Variants in ADARB2 observed in about 807,000 individuals in gnomAD.
ADARB2 encodes adenosine deaminase RNA specific B2 (inactive).
A neutral mutation model predicts 62.2 loss-of-function variants in ADARB2; 25 were observed. The observed-to-expected ratio is 0.40, with a 90% CI of 0.29 to 0.56. ADARB2 has a LOEUF of 0.56. Ranked by LOEUF, ADARB2 falls within the 20% of genes least tolerant of loss-of-function variation. The pLI is 0.43. For synonymous variants in ADARB2, 572 were observed against 500.8 expected, an observed-to-expected ratio of 1.14 and a Z score of -1.90; for missense variants, 1,071 against 1,077.4, an observed-to-expected ratio of 0.99 and a Z score of 0.08.
At chr10:1,570,087 A>G (rs1832914536) in intron 1 of ADARB2, among the ~76,000 whole-genome samples, 1 of 152,096 alleles carries the variant, frequency 6.6e-6, no homozygotes, top group South Asian at 2.1e-4. Flanking sequence ...TGTCTCATTC[A>G]CATACAAACG....
At chr10:1,527,482 C>T (rs529950362) in intron 1 of ADARB2, among the ~76,000 whole-genome samples, 1 of 152,262 alleles carries the variant, frequency 6.6e-6, no homozygotes, top group East Asian at 1.9e-4. Flanking sequence ...CAAGCAAACA[C>T]AATAATCCAC....
At position 1,363,057 on chromosome 10, in the gene ADARB2, C is replaced by T. The variant is rs771929457; in HGVS notation, c.1048G>A (p.Gly350Ser). 2.8e-6 allele frequency: 4 copies of T among 1,440,666 alleles called. No individual in the cohort carries two copies. Among genetic ancestry groups the T allele is most frequent in the South Asian group, 2.9e-5 (2 of 69,294 alleles). The allele number at this position is 1,440,666 out of a possible 1,614,324, so 89.2% of individuals were successfully genotyped here. Residue 350 changes from glycine to serine, a missense_variant, in exon 3 of 10, where the codon GGC becomes AGC. By Grantham distance (56) the Gly-to-Ser change is moderately conservative. Coordinates refer to ENST00000381312, the MANE Select transcript of ADARB2 (RefSeq NM_018702.4). ...GGCATTGGCGTCCTCCTGGCCCTGCCGGGCGCGTGGCCGGGCATCTGGATG... is the reference window on the plus strand; with the variant it reads ...GGCATTGGCGTCCTCCTGGCCCTGCTGGGCGCGTGGCCGGGCATCTGGATG... Reference protein sequence around the residue: ...FDIQMPGHAPGRARRTPMPQE... With the variant: ...FDIQMPGHAPSRARRTPMPQE...
In ADARB2 at chr10:1,327,575, T is replaced by G. The variant is rs374051054; in HGVS notation, c.1077+35453A>C. 3.0e-4 allele frequency among the ~76,000 whole-genome samples: 19 copies of G among 64,244 alleles called. 4 individuals carry two copies. The highest frequency in any genetic ancestry group is 1.5e-3 in the African/African-American group (16 of 10,654). 42.1% of individuals were successfully genotyped at this position (64,244 alleles called of 152,430 possible). A position where few individuals can be genotyped will look rare whatever the true frequency, so the allele number is the denominator to read the frequency against. On this transcript the variant is annotated intron_variant, in intron 3 of 9. Transcript: ENST00000381312. ...TCCTCACGGCCCAGCGCCTCCTCAC[T>G]GCACAGCGCCTCCTCACTGCACAGC... is the stretch of plus-strand genomic sequence containing the variant.
chr10:1,355,976 G>A (rs1356666516), intron 3 of ADARB2, among the ~76,000 whole-genome samples: 1 of 152,086 alleles, frequency 6.6e-6, no homozygotes, highest in African/African-American at 2.4e-5. Context: ...ATCATACATT[G>A]TATTTACATT....
At chr10:1,220,738 G>A (rs1830687630) in intron 6 of ADARB2, among the ~76,000 whole-genome samples, 1 of 152,106 alleles carries the variant, frequency 6.6e-6, no homozygotes. Flanking sequence ...CTTGAAAGTT[G>A]CCTATTATAT....
intron 4 of ADARB2, among the ~76,000 whole-genome samples, chr10:1,265,535 G>A (rs1006715626): frequency 2.0e-5 from 3 of 152,088 alleles, no homozygotes; most frequent in Non-Finnish European, 2.9e-5. Context: ...CCCAGAAGAC[G>A]CCCTGAGCGG....
chr10:1,681,312 A>G (rs1021915980), intron 1 of ADARB2, among the ~76,000 whole-genome samples: 1 of 152,180 alleles, frequency 6.6e-6, no homozygotes, highest in Admixed American at 6.5e-5. Context: ...TCCTCGAAGC[A>G]GTCTATTCTA....
intron 6 of ADARB2, among the ~76,000 whole-genome samples, chr10:1,233,493 C>G (rs980887862): frequency 2.6e-5 from 4 of 152,198 alleles, no homozygotes; most frequent in Non-Finnish European, 5.9e-5. Flanking sequence ...TCAGACTACT[C>G]TTCTGCCAAT....
intron 1 of ADARB2, among the ~76,000 whole-genome samples, chr10:1,420,184 T>G (rs1387821015): frequency 6.6e-6 from 1 of 152,190 alleles, no homozygotes; most frequent in Admixed American, 6.5e-5. Context: ...CAGGAAATAT[T>G]TAAAGTTCTA....
intron 1 of ADARB2, among the ~76,000 whole-genome samples, chr10:1,727,906 T>C (rs1399720582): frequency 6.6e-6 from 1 of 152,238 alleles, no homozygotes; most frequent in East Asian, 1.9e-4. Context: ...ATAAGACTCA[T>C]GCCCAATACA....
intron 1 of ADARB2, among the ~76,000 whole-genome samples, chr10:1,532,859 A>T (rs978007448): frequency 1.3e-5 from 2 of 152,202 alleles, no homozygotes; most frequent in Middle Eastern, 6.8e-3. Context: ...TTCTCCAGGA[A>T]CTTAAATCTT....
intron 1 of ADARB2, among the ~76,000 whole-genome samples, chr10:1,594,920 A>G (rs529977426): frequency 1.7e-3 from 254 of 152,266 alleles, no homozygotes; most frequent in Non-Finnish European, 3.3e-3. Flanking sequence ...CGCATCCAGC[A>G]CACAGCCGCT....
intron 2 of ADARB2, among the ~76,000 whole-genome samples, chr10:1,367,556 A>C (rs1374241736): frequency 6.6e-6 from 1 of 152,204 alleles, no homozygotes; most frequent in Non-Finnish European, 1.5e-5. Flanking sequence ...TACATATAGC[A>C]CTGCTCTACT....
At chr10:1,367,976 T>C (rs1191737780) in intron 2 of ADARB2, among the ~76,000 whole-genome samples, 1 of 152,206 alleles carries the variant, frequency 6.6e-6, no homozygotes, top group African/African-American at 2.4e-5. Context: ...AGAGCATACT[T>C]CAGGGGCCTG....
chr10:1,678,929 C>T (rs12764172), intron 1 of ADARB2, among the ~76,000 whole-genome samples: 16,793 of 152,214 alleles, frequency 0.11, 1,089 homozygotes, highest in Non-Finnish European at 0.15. Context: ...CAGGTGCCCA[C>T]GTGGCTAGAG....
In ADARB2 at chr10:1,229,641, A is replaced by T. The variant is rs540906186; in HGVS notation, c.1513+4053T>A. Among the ~76,000 whole-genome samples the T allele has an allele frequency of 1.7e-4, 4 of 23,412 alleles. 1 individual carries two copies. In the South Asian group the frequency reaches 3.4e-3, roughly 20 times the overall value. The allele number at this position is 23,412 out of a possible 152,430, so 15.4% of individuals were successfully genotyped here. Reference sequence around the variant, plus strand: ...TATTGATAGATCTGATGCATCAGATACGTGTCGTGTGCTTGTGTGTGCACA... The same window carrying T: ...TATTGATAGATCTGATGCATCAGATTCGTGTCGTGTGCTTGTGTGTGCACA... On this transcript the variant is annotated intron_variant, in intron 6 of 9. Transcript: ENST00000381312.
chr10:1,497,147 A>T (rs779449673), intron 1 of ADARB2, among the ~76,000 whole-genome samples: 7 of 152,156 alleles, frequency 4.6e-5, no homozygotes, highest in Non-Finnish European at 7.3e-5. Context: ...TAATAATAAC[A>T]CTTGACTAAG....
intron 1 of ADARB2, among the ~76,000 whole-genome samples, chr10:1,510,110 C>CTCTTTCTCTCTTTCTTTCTTTCTTTCTT (rs1554767638): frequency 2.0e-3 from 217 of 106,238 alleles, no homozygotes; most frequent in Non-Finnish European, 2.6e-3. Context: ...CTTTCTTTCT[C>CTCTTTCTCTCTTTCTTTCTTTCTTTCTT]TCTTTCTTTC....
At chr10:1,321,156 T>G (rs1831790988) in intron 3 of ADARB2, among the ~76,000 whole-genome samples, 1 of 152,178 alleles carries the variant, frequency 6.6e-6, no homozygotes, top group South Asian at 2.1e-4. Flanking sequence ...CTCTTTATAG[T>G]TCTCCCCATA....
Sources: gnomAD v4.1 joint callset for allele counts (sites outside exome capture counted in the v4.1 genomes callset) on GRCh38, gnomAD v4.1.1 for gene constraint, MANE v1.5 for transcripts, NCBI Gene and HGNC (gene_info 2026-07-23, HGNC 2026-07-21) for gene names.